The following SGCZ variants were observed in gnomAD, a reference collection of about 807,000 sequenced individuals.
SGCZ encodes the protein sarcoglycan zeta, also known as zeta-sarcoglycan.
A neutral mutation model predicts 41.3 loss-of-function variants in SGCZ; 40 were observed. The observed-to-expected ratio is 0.97, with a 90% CI of 0.75 to 1.26. SGCZ has a LOEUF of 1.26. Ranked by LOEUF, SGCZ falls within the 50% of genes most tolerant of loss-of-function variation. The pLI, the probability that SGCZ is intolerant of heterozygous loss-of-function variation, is 0.00. For synonymous variants in SGCZ, 206 were observed against 137.5 expected, an observed-to-expected ratio of 1.50 and a Z score of -3.49; for missense variants, 552 against 369.8, an observed-to-expected ratio of 1.49 and a Z score of -4.04.
At chr8:14,771,816 A>T (rs1285374445) in intron 1 of SGCZ, among the ~76,000 whole-genome samples, 1 of 152,156 alleles carries the variant, frequency 6.6e-6, no homozygotes, top group Admixed American at 6.5e-5. Flanking sequence ...AATAATTTGC[A>T]TTGAATACTA....
At chr8:14,225,293 GT>G (rs1267747043) in intron 4 of SGCZ, among the ~76,000 whole-genome samples, 1 of 152,004 alleles carries the variant, frequency 6.6e-6, no homozygotes, top group Admixed American at 6.6e-5. Context: ...ATGATCTGCT[GT>G]TTATGTGTGA....
chr8:14,853,880 G>C (rs189587837), intron 1 of SGCZ, among the ~76,000 whole-genome samples: 14 of 151,740 alleles, frequency 9.2e-5, no homozygotes, highest in Non-Finnish European at 2.1e-4. Context: ...CATGACTACA[G>C]CTTATCCTAA....
At chr8:14,411,856 A>G (rs1799369654) in intron 2 of SGCZ, among the ~76,000 whole-genome samples, 1 of 152,096 alleles carries the variant, frequency 6.6e-6, no homozygotes, top group Non-Finnish European at 1.5e-5. Context: ...ACTTCCAAAC[A>G]TTTCTATTTG....
At chr8:14,783,692 C>G (rs974936714) in intron 1 of SGCZ, among the ~76,000 whole-genome samples, 1 of 151,984 alleles carries the variant, frequency 6.6e-6, no homozygotes, top group South Asian at 2.1e-4. Context: ...TTTCAGTGAT[C>G]AGTTTAAGGG....
At chr8:14,638,358 G>A (rs978067453) in intron 1 of SGCZ, among the ~76,000 whole-genome samples, 3 of 151,874 alleles carry the variant, frequency 2.0e-5, no homozygotes, top group African/African-American at 7.2e-5. Context: ...CCCTACCTGA[G>A]TTTATGCTCC....
intron 1 of SGCZ, among the ~76,000 whole-genome samples, chr8:15,187,602 A>C (rs1182798673): frequency 6.6e-6 from 1 of 152,032 alleles, no homozygotes; most frequent in African/African-American, 2.4e-5. Context: ...AAATCACATA[A>C]AGAACTTTTT....
intron 1 of SGCZ, among the ~76,000 whole-genome samples, chr8:15,176,073 G>C (rs980066500): frequency 2.0e-5 from 3 of 152,146 alleles, no homozygotes; most frequent in South Asian, 2.1e-4. Flanking sequence ...TTCTCAAAGT[G>C]TTAAGTTTAA....
At chr8:14,891,046 A>T (rs577155051) in intron 1 of SGCZ, among the ~76,000 whole-genome samples, 1 of 152,188 alleles carries the variant, frequency 6.6e-6, no homozygotes, top group African/African-American at 2.4e-5. Flanking sequence ...CTTATTGACA[A>T]TGCACCTAAT....
chr8:14,953,009 C>A (rs1800688251), intron 1 of SGCZ, among the ~76,000 whole-genome samples: 1 of 152,016 alleles, frequency 6.6e-6, no homozygotes, highest in Non-Finnish European at 1.5e-5. Context: ...GGTTGGCCAT[C>A]TAACTTCTTG....
intron 5 of SGCZ, among the ~76,000 whole-genome samples, chr8:14,112,514 A>G (rs946023194): frequency 6.6e-6 from 1 of 152,056 alleles, no homozygotes; most frequent in African/African-American, 2.4e-5. Context: ...TCAAATTTGA[A>G]TCTGTGTTAG....
chr8:14,232,003 G>A (rs1585257614), intron 4 of SGCZ, among the ~76,000 whole-genome samples: 1 of 151,884 alleles, frequency 6.6e-6, no homozygotes, highest in Non-Finnish European at 1.5e-5. Flanking sequence ...GTTTTAAAAA[G>A]GAAGTTATTT....
intron 1 of SGCZ, among the ~76,000 whole-genome samples, chr8:14,952,790 G>C (rs1800680750): frequency 6.6e-6 from 1 of 152,190 alleles, no homozygotes; most frequent in African/African-American, 2.4e-5. Context: ...ATTAAAGACA[G>C]AGCTTTTAGT....
chr8:14,867,416 C>T (rs1803971687), intron 1 of SGCZ, among the ~76,000 whole-genome samples: 1 of 152,196 alleles, frequency 6.6e-6, no homozygotes, highest in South Asian at 2.1e-4. Flanking sequence ...TAAAGATACA[C>T]ATGCATGTAT....
chr8:14,272,911 G>C (rs994523874), intron 3 of SGCZ, among the ~76,000 whole-genome samples: 1 of 152,036 alleles, frequency 6.6e-6, no homozygotes, highest in Non-Finnish European at 1.5e-5. Context: ...TTAACTCTTA[G>C]ATGGAGATGA....
At chr8:14,339,379 T>G (rs2117073440) in intron 2 of SGCZ, among the ~76,000 whole-genome samples, 1 of 152,290 alleles carries the variant, frequency 6.6e-6, no homozygotes, top group South Asian at 2.1e-4. Context: ...TCTAAATGTT[T>G]AAATACAGAA....
chr8:14,520,777 G>A (rs1482593342), intron 2 of SGCZ, among the ~76,000 whole-genome samples: 1 of 151,982 alleles, frequency 6.6e-6, no homozygotes, highest in Non-Finnish European at 1.5e-5. Flanking sequence ...TATGCTAATT[G>A]TCACCTTCTT....
At chr8:14,164,486 G>A (rs1288729231) in intron 5 of SGCZ, 94 bp downstream of exon 5, 2 of 1,448,742 alleles carry the variant, frequency 1.4e-6, no homozygotes, top group Non-Finnish European at 1.9e-6. Context: ...TCTACTTTAG[G>A]CATAGGAATC....
chr8:14,812,147 T>C (rs28370274), intron 1 of SGCZ, among the ~76,000 whole-genome samples: 17,929 of 151,930 alleles, frequency 0.12, 1,693 homozygotes, highest in African/African-American at 0.25. Context: ...TTTTAAAATA[T>C]TATATACAAA....
Position 14,705,443 on chromosome 8 carries a change from T to C in SGCZ, c.40-150517A>G, listed in dbSNP as rs149133828. Reference sequence around the variant, plus strand: ...AATTTCCATTTCCTCATCTATAAAATGTGTCTTGAGTAGTGATAAAAGGTA... The same window carrying C: ...AATTTCCATTTCCTCATCTATAAAACGTGTCTTGAGTAGTGATAAAAGGTA... On this transcript the variant is annotated intron_variant, in intron 1 of 7. Transcript: ENST00000382080. Among the ~76,000 whole-genome samples the C allele has an allele frequency of 8.7e-3, 1,323 of 152,078 alleles. 18 individuals carry two copies. Among genetic ancestry groups the C allele is most frequent in the Middle Eastern group, 0.031 (9 of 294 alleles).
Sources: gnomAD v4.1 joint callset for allele counts (sites outside exome capture counted in the v4.1 genomes callset) on GRCh38, gnomAD v4.1.1 for gene constraint, MANE v1.5 for transcripts, NCBI Gene and HGNC (gene_info 2026-07-23, HGNC 2026-07-21) for gene names.